Variants in FARS2 observed in about 807,000 individuals in gnomAD.
FARS2 encodes the protein phenylalanyl-tRNA synthetase 2, mitochondrial.
Under a neutral mutation model 46.4 loss-of-function variants are expected in FARS2, and 40 were observed. The observed-to-expected ratio is 0.86, with a 90% confidence interval of 0.67 to 1.12. The LOEUF is 1.12. Ranked by LOEUF, FARS2 falls within the 50% of genes most tolerant of loss-of-function variation. The probability of loss-of-function intolerance (pLI) is 0.00; values close to 1 mark genes in which losing one functional copy is unlikely to be tolerated. For missense variants in FARS2, 513 were observed against 567.9 expected (o/e 0.90, Z 0.98); for synonymous variants, 234 against 214.9 (o/e 1.09, Z -0.78).
At chr6:5,332,728 G>A (rs1171276933) in intron 1 of FARS2, among the ~76,000 whole-genome samples, 1 of 152,214 alleles carries the variant, frequency 6.6e-6, no homozygotes, top group Non-Finnish European at 1.5e-5. Context: ...ATGTTATGTG[G>A]TTTCAACACC....
At chr6:5,588,810 C>T (rs141657349) in intron 5 of FARS2, among the ~76,000 whole-genome samples, 175 of 152,312 alleles carry the variant, frequency 1.1e-3, no homozygotes, top group Admixed American at 2.0e-3. Flanking sequence ...CTGTGATCCC[C>T]GGGCAACCTG....
intron 6 of FARS2, among the ~76,000 whole-genome samples, chr6:5,755,723 T>C (rs1762169783): frequency 6.6e-6 from 1 of 152,224 alleles, no homozygotes; most frequent in South Asian, 2.1e-4. Context: ...GAGGTTATGT[T>C]CATTGGAGCA....
intron 2 of FARS2, among the ~76,000 whole-genome samples, chr6:5,395,959 A>G (rs914431719): frequency 6.6e-6 from 1 of 152,220 alleles, no homozygotes; most frequent in Admixed American, 6.5e-5. Flanking sequence ...TTTGTTTTAA[A>G]TCTTGAATTT....
intron 4 of FARS2, chr6:5,431,612 C>T (rs922177747): frequency 1.1e-4 from 60 of 529,360 alleles, no homozygotes; most frequent in South Asian, 2.0e-4. Context: ...TACACTAAAA[C>T]GCAGTGTAAA....
chr6:5,479,431 G>A (rs1766315023), intron 4 of FARS2, among the ~76,000 whole-genome samples: 1 of 152,180 alleles, frequency 6.6e-6, no homozygotes, highest in Non-Finnish European at 1.5e-5. Flanking sequence ...TAGTGTTCAT[G>A]CGTTTGACCA....
chr6:5,396,653 C>T (rs931447925), intron 2 of FARS2, among the ~76,000 whole-genome samples: 1 of 152,176 alleles, frequency 6.6e-6, no homozygotes, highest in Non-Finnish European at 1.5e-5. Context: ...AGTGACAGAA[C>T]TTCCCAAGGG....
chr6:5,520,287 GGTGACGA>G (rs1769052550), intron 4 of FARS2, among the ~76,000 whole-genome samples: 1 of 152,164 alleles, frequency 6.6e-6, no homozygotes. Context: ...AATTACACCT[GGTGACGA>G]GATAATCACA....
intron 4 of FARS2, chr6:5,457,773 A>C (rs1764983524): frequency 6.6e-6 from 1 of 152,218 alleles, no homozygotes; most frequent in Non-Finnish European, 1.5e-5. Context: ...TCAAAGAAAA[A>C]TAAGTAACTC....
chr6:5,542,607 A>T (rs748942390), intron 4 of FARS2, among the ~76,000 whole-genome samples: 1 of 152,110 alleles, frequency 6.6e-6, no homozygotes, highest in Non-Finnish European at 1.5e-5. Flanking sequence ...CCCAGTTTTG[A>T]TCACCAAAAA....
At chr6:5,484,761 ACCT>A (rs1561654217) in intron 4 of FARS2, among the ~76,000 whole-genome samples, 1 of 152,130 alleles carries the variant, frequency 6.6e-6, no homozygotes, top group Non-Finnish European at 1.5e-5. Context: ...TCAGAGAGAA[ACCT>A]CCTAGCTGGA....
Position 5,771,359 on chromosome 6 carries a change from A to G in FARS2, c.1286A>G (p.Glu429Gly), listed in dbSNP as rs1763040301. 6.2e-7 allele frequency: 1 copy of G among 1,614,160 alleles called. No homozygotes were observed. Among genetic ancestry groups the G allele is most frequent in the Non-Finnish European group, 8.5e-7 (1 of 1,180,016 alleles). ...ATGGAACGGACTCTGTCCCAGAGAG[A>G]GGTCAGGCACATCCACCAGGCCTTG... ...RHMERTLSQR[E>G]VRHIHQALQE... The change falls in exon 7 of 7, where the codon GAG (glutamate) becomes GGG (glycine). Residue 429 changes from glutamate to glycine, a missense_variant. Glu to Gly is a moderately conservative substitution (Grantham distance 98). Transcript: ENST00000274680.
Position 5,771,469 on chromosome 6 carries a change from C to T in FARS2, c.*40C>T. The T allele has an allele frequency of 6.4e-7, 1 of 1,574,614 alleles. No homozygotes were observed. Among genetic ancestry groups the T allele is most frequent in the Middle Eastern group, 1.7e-4 (1 of 5,886 alleles). On this transcript the variant is annotated 3_prime_UTR_variant, in exon 7 of 7. Coordinates refer to ENST00000274680, the MANE Select transcript of FARS2 (RefSeq NM_006567.5). ...TCAGGCTGCAGCCCTCTTGGGGCTCCAGGATTTGCTGAAAGAGAAAAAGAT... is the reference window on the plus strand; with the variant it reads ...TCAGGCTGCAGCCCTCTTGGGGCTCTAGGATTTGCTGAAAGAGAAAAAGAT...
chr6:5,535,433 A>C lies in FARS2; in HGVS notation c.905-9747A>C, dbSNP rs535281231. The stretch of plus-strand genomic sequence containing the variant: ...GGATTCTTCAGGGCTTTCTACATAT[A>C]AAATTATGTCATCTGCAAATAGAGA... On this transcript the variant is annotated intron_variant, in intron 4 of 6. Coordinates refer to ENST00000274680, the MANE Select transcript of FARS2 (RefSeq NM_006567.5). 2.0e-5 allele frequency among the ~76,000 whole-genome samples: 3 copies of C among 152,340 alleles called. No homozygotes were observed. In the East Asian group the frequency reaches 5.8e-4, roughly 29 times the overall value.
intron 1 of FARS2, among the ~76,000 whole-genome samples, chr6:5,293,048 A>C (rs1483292035): frequency 6.6e-6 from 1 of 152,242 alleles, no homozygotes; most frequent in Non-Finnish European, 1.5e-5. Flanking sequence ...ACAAGTGGCT[A>C]CTGGATTGAG....
At chr6:5,701,166 G>A (rs1024681910) in intron 6 of FARS2, among the ~76,000 whole-genome samples, 9 of 152,338 alleles carry the variant, frequency 5.9e-5, no homozygotes, top group African/African-American at 2.2e-4. Flanking sequence ...CACCGTGGGC[G>A]CCAGCCTTGG....
At chr6:5,662,858 C>G (rs1360270400) in intron 6 of FARS2, among the ~76,000 whole-genome samples, 2 of 152,116 alleles carry the variant, frequency 1.3e-5, no homozygotes, top group African/African-American at 4.8e-5. Flanking sequence ...GTTTACTTCA[C>G]TATAAAGCAG....
At chr6:5,636,486 C>T (rs1047348172) in intron 6 of FARS2, among the ~76,000 whole-genome samples, 4 of 152,218 alleles carry the variant, frequency 2.6e-5, no homozygotes, top group African/African-American at 7.2e-5. Context: ...ATGCTTGACC[C>T]ACGAAGGAAT....
chr6:5,769,559 A>G (rs906754372), intron 6 of FARS2, among the ~76,000 whole-genome samples: 6 of 152,344 alleles, frequency 3.9e-5, no homozygotes, highest in South Asian at 2.1e-4. Flanking sequence ...CCCAGGAGTC[A>G]GGGTCCCCAC....
At chr6:5,339,429 A>G (rs1771396493) in intron 1 of FARS2, among the ~76,000 whole-genome samples, 1 of 151,158 alleles carries the variant, frequency 6.6e-6, no homozygotes, top group Non-Finnish European at 1.5e-5. Flanking sequence ...AAACCAGGAG[A>G]CTTCTTTTTT....
Sources: allele counts gnomAD v4.1 joint callset (sites outside exome capture counted in the v4.1 genomes callset), GRCh38; gene constraint gnomAD v4.1.1; transcripts MANE v1.5; gene names NCBI Gene and HGNC (gene_info 2026-07-23, HGNC 2026-07-21).